PLCE1: variants seen among roughly 807,000 people sequenced by gnomAD.
PLCE1 encodes phospholipase C epsilon 1.
In PLCE1, 119 loss-of-function variants were observed where a neutral mutation model predicts 242.8. The ratio of observed to expected loss-of-function variants is 0.49; its 90% CI spans 0.42 to 0.57. The LOEUF is 0.57. Among genes scored for constraint, PLCE1 ranks in the 20% least tolerant of loss-of-function variants. The pLI is 0.00. For synonymous variants in PLCE1, 945 were observed against 1,017.4 expected, an observed-to-expected ratio of 0.93 and a Z score of 1.35; for missense variants, 2,441 against 2,788.8, an observed-to-expected ratio of 0.88 and a Z score of 2.81.
At chr10:94,217,869 G>A (rs544560555) in intron 4 of PLCE1, among the ~76,000 whole-genome samples, 1 of 151,792 alleles carries the variant, frequency 6.6e-6, no homozygotes, top group African/African-American at 2.4e-5. Context: ...CTACCCTCAA[G>A]GAGGTGACAA....
Position 94,103,903 on chromosome 10 carries a change from A to G in PLCE1, c.1207-28271A>G, listed in dbSNP as rs2045631907. ...AGGACATTCTCATTTCGGGTCTACC[A>G]ACAAACTATCTCCTTTTTAAAGAGA... On this transcript the variant is annotated intron_variant, in intron 2 of 32. Coordinates refer to ENST00000371380, the MANE Select transcript of PLCE1 (RefSeq NM_016341.4). Among the ~76,000 whole-genome samples the G allele has an allele frequency of 2.6e-5, 4 of 152,238 alleles. No individual in the cohort carries two copies. The South Asian group carries it at 8.3e-4, about 31-fold the overall frequency.
chr10:94,029,385 A>G (rs1337996227), intron 1 of PLCE1, among the ~76,000 whole-genome samples: 1 of 152,192 alleles, frequency 6.6e-6, no homozygotes, highest in East Asian at 1.9e-4. Context: ...AATTTTTAAA[A>G]GCAGGTACAG....
chr10:94,291,460 C>T (rs2052643109), intron 22 of PLCE1, among the ~76,000 whole-genome samples: 1 of 152,168 alleles, frequency 6.6e-6, no homozygotes, highest in Non-Finnish European at 1.5e-5. Context: ...AGAGACTCAG[C>T]TGAGGAAGAG....
At chr10:94,023,344 G>A (rs1244704871) in intron 1 of PLCE1, among the ~76,000 whole-genome samples, 1 of 152,176 alleles carries the variant, frequency 6.6e-6, no homozygotes, top group Non-Finnish European at 1.5e-5. Flanking sequence ...TGGGTCTAGT[G>A]CCATCTAAAA....
chr10:94,034,187 C>T (rs1261863044), intron 2 of PLCE1, among the ~76,000 whole-genome samples: 1 of 152,108 alleles, frequency 6.6e-6, no homozygotes, highest in African/African-American at 2.4e-5. Context: ...GAAACCGCCC[C>T]CATGATTCAA....
At chr10:94,146,995 A>G (rs527495580) in intron 3 of PLCE1, among the ~76,000 whole-genome samples, 2 of 152,198 alleles carry the variant, frequency 1.3e-5, no homozygotes, top group East Asian at 1.9e-4. Flanking sequence ...TCTATTTTCA[A>G]TATCCTTTGT....
At chr10:94,124,151 G>A (rs953943141) in intron 2 of PLCE1, among the ~76,000 whole-genome samples, 8 of 152,166 alleles carry the variant, frequency 5.3e-5, no homozygotes, top group Non-Finnish European at 1.0e-4. Flanking sequence ...ACGCTGAGGC[G>A]GGAGGCTTGC....
intron 13 of PLCE1, among the ~76,000 whole-genome samples, chr10:94,259,946 C>T (rs1004703893): frequency 3.9e-5 from 6 of 152,160 alleles, no homozygotes; most frequent in Non-Finnish European, 7.3e-5. Flanking sequence ...CATCAGATCT[C>T]ATGAGACTTA....
chr10:94,315,864 C>CA (rs1365110882), intron 28 of PLCE1, among the ~76,000 whole-genome samples: 1 of 149,682 alleles, frequency 6.7e-6, no homozygotes, highest in Non-Finnish European at 1.5e-5. Context: ...AACCATAAAA[C>CA]AAAATTAAGA....
intron 5 of PLCE1, among the ~76,000 whole-genome samples, chr10:94,232,596 A>G (rs1160016580): frequency 1.3e-5 from 2 of 151,858 alleles, no homozygotes; most frequent in Non-Finnish European, 2.9e-5. Flanking sequence ...AATTTTTTCC[A>G]TCTCCCCACT....
intron 4 of PLCE1, among the ~76,000 whole-genome samples, chr10:94,211,547 C>A (rs942893130): frequency 6.6e-6 from 1 of 152,232 alleles, no homozygotes; most frequent in African/African-American, 2.4e-5. Context: ...TTCGTTGTTA[C>A]ATTATGTAGT....
At chr10:94,237,780 C>T (rs79357083) in intron 7 of PLCE1, among the ~76,000 whole-genome samples, 1 of 152,284 alleles carries the variant, frequency 6.6e-6, no homozygotes, top group East Asian at 1.9e-4. Flanking sequence ...ATTTCTGTGG[C>T]CATCTGCTGG....
chr10:94,246,217 A>G lies in PLCE1; in HGVS notation c.2692A>G (p.Thr898Ala), dbSNP rs1447566018. 9.9e-6 allele frequency: 16 copies of G among 1,613,988 alleles called. No individual in the cohort carries two copies. The highest frequency in any genetic ancestry group is 4.0e-5 in the African/African-American group (3 of 74,920). The change falls in exon 8 of 33, where the codon ACT becomes GCT. Residue 898 changes from threonine (T) to alanine (A), a missense_variant. Thr to Ala is a moderately conservative substitution (Grantham distance 58). This residue lies in a region of PLCE1 where 733 missense variants were observed against 754.2 expected (regional missense o/e 0.97). Transcript: ENST00000371380. ...NSTLTWVKPT[T>A]ASPASSKAKL... is the part of the protein sequence containing the mutation. ...CACCTTGACCTGGGTAAAGCCCACA[A>G]CTGCCTCCCCAGCCAGCAGTAAAGC...
At position 94,102,246 on chromosome 10, in the gene PLCE1, A is replaced by G. The variant is rs74151038; in HGVS notation, c.1207-29928A>G. 1.1e-3 allele frequency among the ~76,000 whole-genome samples: 160 copies of G among 152,250 alleles called. 1 individual carries two copies. Among genetic ancestry groups the G allele is most frequent in the African/African-American group, 3.8e-3 (157 of 41,544 alleles). ...TAATCCCCATTTTGCCCCATATTCC[A>G]GTGAGCTTCAGAAACATTGAGCCTT... On this transcript the variant is annotated intron_variant, in intron 2 of 32. Transcript: ENST00000371380.
At chr10:94,325,388 C>CAGG in intron 32 of PLCE1, 6 of 352,026 alleles carry the variant, frequency 1.7e-5, no homozygotes, top group South Asian at 7.1e-5. Context: ...CACCTGAGGT[C>CAGG]AGTTCAAGAC....
chr10:94,084,089 A>G (rs577909324), intron 2 of PLCE1, among the ~76,000 whole-genome samples: 67 of 152,196 alleles, frequency 4.4e-4, no homozygotes, highest in Non-Finnish European at 6.2e-4. Context: ...ACAATCCTTT[A>G]AAGTTGGACT....
In PLCE1 at chr10:94,182,567, G is replaced by T. The variant is rs777601236; in HGVS notation, c.1809+11071G>T. On this transcript the variant is annotated intron_variant, in intron 4 of 32. Transcript: ENST00000371380. Reference sequence around the variant, plus strand: ...TTATAAGCCTGAGCTACCATGCCTGGCCCCATCTTCATTTCTTTTCTTTCT... The same window carrying T: ...TTATAAGCCTGAGCTACCATGCCTGTCCCCATCTTCATTTCTTTTCTTTCT... Among the ~76,000 whole-genome samples, 36 of 151,774 alleles carry T rather than the reference G, an allele frequency of 2.4e-4. 1 individual carries two copies. Among genetic ancestry groups the T allele is most frequent in the Non-Finnish European group, 2.9e-5 (2 of 67,938 alleles).
chr10:94,183,987 T>A (rs1341545080), intron 4 of PLCE1, among the ~76,000 whole-genome samples: 2 of 152,160 alleles, frequency 1.3e-5, no homozygotes, highest in African/African-American at 2.4e-5. Flanking sequence ...CATTTCAACA[T>A]GAGATTTGAA....
chr10:93,996,846 A>G (rs1483322265), intron 1 of PLCE1, among the ~76,000 whole-genome samples: 1 of 152,226 alleles, frequency 6.6e-6, no homozygotes, highest in East Asian at 1.9e-4. Context: ...CTTGATAGCT[A>G]CATGCAGCTA....
Sources: allele counts gnomAD v4.1 joint callset (sites outside exome capture counted in the v4.1 genomes callset), GRCh38; gene constraint gnomAD v4.1.1; regional missense constraint gnomAD v4.1.1; transcripts MANE v1.5; gene names NCBI Gene and HGNC (gene_info 2026-07-23, HGNC 2026-07-21).